Variants in SPINT2 observed in about 807,000 individuals in gnomAD.
SPINT2 encodes the protein kunitz-type protease inhibitor 2.
A neutral mutation model predicts 30.1 loss-of-function variants in SPINT2; 18 were observed. That is an observed-to-expected ratio of 0.60 (90% CI 0.41 to 0.89). SPINT2 has a LOEUF of 0.89. Among genes scored for constraint, SPINT2 ranks in the 40% least tolerant of loss-of-function variants. SPINT2 has a pLI of 0.00. For synonymous variants in SPINT2, 139 were observed against 137.9 expected, an observed-to-expected ratio of 1.01 and a Z score of -0.05; for missense variants, 276 against 334.3, an observed-to-expected ratio of 0.83 and a Z score of 1.36.
intron 1 of SPINT2, among the ~76,000 whole-genome samples, chr19:38,268,968 G>C (rs1809580375): frequency 6.6e-6 from 1 of 152,172 alleles, no homozygotes; most frequent in African/African-American, 2.4e-5. Flanking sequence ...AAACTTGAAA[G>C]GTCCTTTAGG....
chr19:38,275,968 C>T (rs1019123409), intron 1 of SPINT2, among the ~76,000 whole-genome samples: 1 of 151,826 alleles, frequency 6.6e-6, no homozygotes, highest in Non-Finnish European at 1.5e-5. Flanking sequence ...CTCAAGTGAT[C>T]CACCTGCCTC....
At chr19:38,278,508 A>G (rs1419862524) in intron 1 of SPINT2, among the ~76,000 whole-genome samples, 1 of 152,254 alleles carries the variant, frequency 6.6e-6, no homozygotes, top group Non-Finnish European at 1.5e-5. Context: ...GCCAGGCATC[A>G]TGCTTGGCGA....
Position 38,268,353 on chromosome 19 carries a change from G to A in SPINT2, c.106+3355G>A, listed in dbSNP as rs145939878. 2.9e-3 allele frequency among the ~76,000 whole-genome samples: 437 copies of A among 152,290 alleles called. 3 individuals carry two copies. Among genetic ancestry groups the A allele is most frequent in the African/African-American group, 0.01 (426 of 41,560 alleles). On this transcript the variant is annotated intron_variant, in intron 1 of 6. Transcript: ENST00000301244. Reference sequence around the variant, plus strand: ...TTAGGGACAGTTACCGTCTGGAGTGGAAAGCACGCAGAGATTATAAACTGT... The same window carrying A: ...TTAGGGACAGTTACCGTCTGGAGTGAAAAGCACGCAGAGATTATAAACTGT...
Position 38,292,423 on chromosome 19 carries a change from T to G in SPINT2, c.*417T>G. ...AGGAAAGTAAAATGTACAAGTTTAATAAAAAGGGGCCTTCCCCTTTAGAAT... is the reference window on the plus strand; with the variant it reads ...AGGAAAGTAAAATGTACAAGTTTAAGAAAAAGGGGCCTTCCCCTTTAGAAT... On this transcript the variant is annotated 3_prime_UTR_variant, in exon 7 of 7. Transcript: ENST00000301244. 1 of 168,468 alleles carries G rather than the reference T, an allele frequency of 5.9e-6. No individual in the cohort carries two copies. The highest frequency in any genetic ancestry group is 1.3e-5 in the Non-Finnish European group (1 of 77,082). The allele number at this position is 168,468 out of a possible 1,614,324, so 10.4% of individuals were successfully genotyped here.
chr19:38,286,597 G>A (rs1464722241), intron 2 of SPINT2, among the ~76,000 whole-genome samples: 7 of 152,190 alleles, frequency 4.6e-5, no homozygotes, highest in Middle Eastern at 6.8e-3. Context: ...TGGCTAACAC[G>A]GTGAAACTCC....
At chr19:38,280,543 T>C (rs1412070277) in intron 1 of SPINT2, among the ~76,000 whole-genome samples, 1 of 152,146 alleles carries the variant, frequency 6.6e-6, no homozygotes. Flanking sequence ...ACGAGGGCAC[T>C]GGCAAGAGTG....
intron 2 of SPINT2, among the ~76,000 whole-genome samples, chr19:38,284,473 C>A (rs936188166): frequency 4.6e-5 from 7 of 152,152 alleles, no homozygotes; most frequent in African/African-American, 1.7e-4. Context: ...ACAGTGGAAT[C>A]TGGGTGACGT....
chr19:38,288,375 C>G, intron 3 of SPINT2: 1 of 301,832 alleles, frequency 3.3e-6, no homozygotes, highest in East Asian at 8.4e-5. Context: ...CTCTGCCACC[C>G]CCGCCTCCCC....
intron 1 of SPINT2, among the ~76,000 whole-genome samples, chr19:38,274,366 CTT>C (rs1455679136): frequency 1.3e-5 from 2 of 151,880 alleles, no homozygotes; most frequent in African/African-American, 4.8e-5. Flanking sequence ...TTAAATGACT[CTT>C]CAGAGCTTTC....
intron 4 of SPINT2, 190 bp from the exon 5 acceptor site, chr19:38,289,929 C>A: frequency 1.5e-6 from 1 of 662,776 alleles, no homozygotes; most frequent in Non-Finnish European, 2.7e-6. Context: ...AGCTCCGAAG[C>A]CGTCACCTGG....
At chr19:38,285,298 C>T (rs1001434569) in intron 2 of SPINT2, among the ~76,000 whole-genome samples, 9 of 152,096 alleles carry the variant, frequency 5.9e-5, no homozygotes, top group East Asian at 3.8e-4. Flanking sequence ...TGCTCCATCC[C>T]GAGTGTTCCA....
rs1968709899 is a variant in SPINT2, at chr19:38,290,889, C to T, written c.592+314C>T. 52 of 478,464 alleles carry T rather than the reference C, an allele frequency of 1.1e-4. 1 individual carries two copies. The highest frequency in any genetic ancestry group is 1.0e-3 in the South Asian group (50 of 49,478). 29.6% of individuals were successfully genotyped at this position (478,464 alleles called of 1,614,324 possible). On this transcript the variant is annotated intron_variant, in intron 6 of 6. Transcript: ENST00000301244. This position sits in a 1 kb window ranked among gnomAD's most constrained non-coding sequence, Gnocchi z 4.3. ...AGGCTGGCCTGAGGTGTGGAGGGAG[C>T]GCTGCTATGTGGGGCATAAGAGTTG...
intron 1 of SPINT2, among the ~76,000 whole-genome samples, chr19:38,281,665 C>T (rs1203871600): frequency 2.0e-5 from 3 of 151,668 alleles, no homozygotes; most frequent in South Asian, 2.1e-4. Context: ...GCGGAGATCA[C>T]GCCTCTGCAC....
chr19:38,291,457 C>T (rs1968717626), intron 6 of SPINT2: 1 of 197,588 alleles, frequency 5.1e-6, no homozygotes. Context: ...GCACAAAGCC[C>T]CTAAGGTTTC....
At chr19:38,283,514 C>A in intron 1 of SPINT2, 113 bp from the exon 2 acceptor site, 1 of 1,358,380 alleles carries the variant, frequency 7.4e-7, no homozygotes, top group Non-Finnish European at 1.0e-6. Context: ...CACAGGGGAA[C>A]TGCTGGAACT....
chr19:38,288,216 G>A (rs552201919), intron 3 of SPINT2, among the ~76,000 whole-genome samples: 15 of 152,144 alleles, frequency 9.9e-5, no homozygotes, highest in Admixed American at 4.6e-4. Flanking sequence ...TGCTGCCCAT[G>A]AGGCTCAGGC....
At chr19:38,289,232 T>C in intron 4 of SPINT2, 41 bp downstream of exon 4, 1 of 1,573,228 alleles carries the variant, frequency 6.4e-7, no homozygotes, top group Non-Finnish European at 8.7e-7. Flanking sequence ...CTCACACCTG[T>C]AATCCCAGCG....
chr19:38,274,568 A>G (rs1450018560), intron 1 of SPINT2, among the ~76,000 whole-genome samples: 1 of 152,188 alleles, frequency 6.6e-6, no homozygotes, highest in Non-Finnish European at 1.5e-5. Context: ...CTGTAATCCC[A>G]GCACTTTGGG....
At position 38,266,569 on chromosome 19, in the gene SPINT2, G is replaced by A. The variant is rs528223447; in HGVS notation, c.106+1571G>A. Among the ~76,000 whole-genome samples, 176 of 152,108 alleles carry A rather than the reference G, an allele frequency of 1.2e-3. 2 individuals are homozygous for A. Among genetic ancestry groups the A allele is most frequent in the Middle Eastern group, 0.01 (3 of 294 alleles). ...TGCACACCTGTAGTCCCGGCTACTC[G>A]GGAGGCTGAGGCAGGAGAATCGCTT... On this transcript the variant is annotated intron_variant, in intron 1 of 6. Coordinates refer to ENST00000301244, the MANE Select transcript of SPINT2 (RefSeq NM_021102.4).
Sources: allele counts gnomAD v4.1 joint callset (sites outside exome capture counted in the v4.1 genomes callset), GRCh38; gene constraint gnomAD v4.1.1; non-coding constraint Gnocchi (gnomAD v3.1); transcripts MANE v1.5; gene names NCBI Gene and HGNC (gene_info 2026-07-23, HGNC 2026-07-21).